The following DIP2B variants were observed in gnomAD, a reference collection of about 807,000 sequenced individuals.
The protein encoded by DIP2B is DIP2 acetate--CoA ligase B (putative).
In DIP2B, 76 loss-of-function variants were observed where a neutral mutation model predicts 198.0. That is an observed-to-expected ratio of 0.38 (90% CI 0.32 to 0.46). The LOEUF (loss-of-function observed/expected upper bound fraction) is 0.46. DIP2B is among the 20% of genes least tolerant of loss of function. The pLI is 0.99. For missense variants in DIP2B, 1,559 were observed against 1,978.4 expected, an observed-to-expected ratio of 0.79 and a Z score of 4.02; for synonymous variants, 701 against 739.1, an observed-to-expected ratio of 0.95 and a Z score of 0.84.
In DIP2B at chr12:50,577,947, A is replaced by G. The variant is rs146577937; in HGVS notation, c.101-48029A>G. On this transcript the variant is annotated intron_variant, in intron 1 of 37. Coordinates refer to ENST00000301180, the MANE Select transcript of DIP2B (RefSeq NM_173602.3). ...AATAACTTCTTAAAGGTTAGTTACA[A>G]TGTAGATTATGAAACTATATCAGTT... 1.8e-3 allele frequency among the ~76,000 whole-genome samples: 271 copies of G among 152,362 alleles called. 1 individual carries two copies. The highest frequency in any genetic ancestry group is 6.2e-3 in the African/African-American group (258 of 41,582).
intron 1 of DIP2B, among the ~76,000 whole-genome samples, chr12:50,582,396 C>T (rs1019507174): frequency 1.8e-4 from 27 of 152,112 alleles, no homozygotes; most frequent in East Asian, 7.7e-4. Flanking sequence ...GCGATTTGCC[C>T]GCCTTGGCCT....
At chr12:50,653,410 G>T in intron 3 of DIP2B, among the ~76,000 whole-genome samples, 1 of 133,884 alleles carries the variant, frequency 7.5e-6, no homozygotes, top group African/African-American at 2.8e-5. Flanking sequence ...GTGCAATTAT[G>T]GCTCACTACA....
At chr12:50,681,277 T>G (rs1024190023) in intron 9 of DIP2B, among the ~76,000 whole-genome samples, 3 of 151,688 alleles carry the variant, frequency 2.0e-5, no homozygotes, top group South Asian at 4.2e-4. Flanking sequence ...CAAACAATTT[T>G]TTTTTTTAAT....
chr12:50,602,269 C>T (rs1485184950), intron 1 of DIP2B, among the ~76,000 whole-genome samples: 2 of 152,070 alleles, frequency 1.3e-5, no homozygotes, highest in African/African-American at 2.4e-5. Context: ...TAATCAATAT[C>T]TAAATTAATT....
Position 50,711,655 on chromosome 12 carries a change from G to A in DIP2B, c.2650-2740G>A, listed in dbSNP as rs562322583. ...CGGCTCACTGCAACCTCCACCTCCC[G>A]GTTTCAAGCAATTCTCCTGCCTCAG... On this transcript the variant is annotated intron_variant, in intron 22 of 37. Coordinates refer to ENST00000301180, the MANE Select transcript of DIP2B (RefSeq NM_173602.3). Among the ~76,000 whole-genome samples, 6 of 152,256 alleles carry A rather than the reference G, an allele frequency of 3.9e-5. No individual in the cohort carries two copies. The South Asian group carries it at 1.0e-3, about 26-fold the overall frequency.
In DIP2B at chr12:50,604,978, C is replaced by T. The variant is rs570068253; in HGVS notation, c.101-20998C>T. 7.0e-4 allele frequency among the ~76,000 whole-genome samples: 107 copies of T among 152,216 alleles called. No individual in the cohort carries two copies. The South Asian group carries it at 7.3e-3, about 10-fold the overall frequency. ...TCAGATGCACAGGAGATAAGATACT[C>T]ATTTTATGTAATGAGTAAAAAGACA... is the stretch of plus-strand genomic sequence containing the variant. On this transcript the variant is annotated intron_variant, in intron 1 of 37. Transcript: ENST00000301180.
intron 22 of DIP2B, 32 bp from the exon 23 acceptor site, chr12:50,714,363 C>T: frequency 1.2e-6 from 2 of 1,611,908 alleles, no homozygotes; most frequent in Non-Finnish European, 8.5e-7. Flanking sequence ...TAGAAGTGAT[C>T]TCACTGAGTA....
chr12:50,718,673 C>T (rs1309854802), intron 23 of DIP2B, 36 bp from the exon 24 acceptor site: 2 of 1,573,758 alleles, frequency 1.3e-6, no homozygotes, highest in African/African-American at 2.7e-5. Context: ...TTGGAATCGC[C>T]ATCTCCAGTG....
At chr12:50,635,755 A>G (rs1411375853) in intron 2 of DIP2B, among the ~76,000 whole-genome samples, 1 of 152,222 alleles carries the variant, frequency 6.6e-6, no homozygotes, top group African/African-American at 2.4e-5. Context: ...TTGTGTAAGT[A>G]TATGAAGATA....
intron 1 of DIP2B, among the ~76,000 whole-genome samples, chr12:50,601,419 AC>A (rs920135217): frequency 1.3e-5 from 2 of 151,062 alleles, no homozygotes; most frequent in African/African-American, 4.9e-5. Flanking sequence ...ATCTCGACTC[AC>A]TGCAAGCTCC....
At chr12:50,552,572 G>A (rs535626025) in intron 1 of DIP2B, among the ~76,000 whole-genome samples, 2 of 152,106 alleles carry the variant, frequency 1.3e-5, no homozygotes, top group East Asian at 3.9e-4. Context: ...TATCAGATAC[G>A]TTATTTGGAA....
rs1021918467 is a variant in DIP2B at position 50,747,379 on chromosome 12, C to T, written c.*2540C>T. 1 of 152,152 alleles carries T rather than the reference C, an allele frequency of 6.6e-6. No individual in the cohort carries two copies. The highest frequency in any genetic ancestry group is 1.5e-5 in the Non-Finnish European group (1 of 68,032). 9.4% of individuals were successfully genotyped at this position (152,152 alleles called of 1,614,324 possible). A position where few individuals can be genotyped will look rare whatever the true frequency, so the allele number is the denominator to read the frequency against. ...ATTTTTTGCTTTCTGCTTTATTGAT[C>T]TTTTGCATGTCCCCCAAAGCCAGAA... is the stretch of plus-strand genomic sequence containing the variant. On this transcript the variant is annotated 3_prime_UTR_variant, in exon 38 of 38. Transcript: ENST00000301180.
intron 1 of DIP2B, among the ~76,000 whole-genome samples, chr12:50,589,733 A>G (rs939196312): frequency 2.0e-5 from 3 of 152,142 alleles, no homozygotes; most frequent in Admixed American, 6.5e-5. Flanking sequence ...AGGGCCAGAT[A>G]ATGATTGCTC....
At chr12:50,565,967 A>G (rs1281938698) in intron 1 of DIP2B, among the ~76,000 whole-genome samples, 2 of 152,020 alleles carry the variant, frequency 1.3e-5, no homozygotes, top group Non-Finnish European at 1.5e-5. Context: ...TTAAACAGTG[A>G]AATTTTTATT....
intron 21 of DIP2B, among the ~76,000 whole-genome samples, chr12:50,707,955 G>A (rs769873827): frequency 3.3e-5 from 5 of 151,788 alleles, no homozygotes; most frequent in Admixed American, 3.3e-4. Flanking sequence ...TGCCAAGCTC[G>A]TCCCTACCTC....
At position 50,708,434 on chromosome 12, in the gene DIP2B, T is replaced by G; in HGVS notation, c.2535-14T>G. The G allele has an allele frequency of 1.3e-6, 2 of 1,575,044 alleles. No individual in the cohort carries two copies. Among genetic ancestry groups the G allele is most frequent in the Non-Finnish European group, 1.7e-6 (2 of 1,157,832 alleles). The stretch of plus-strand genomic sequence containing the variant: ...GTGAAGGGAGTCCTGATGTGTTTGA[T>G]CTGTCTCTCTTAGAATTGCTGTGTT... On this transcript the variant is annotated splice_polypyrimidine_tract_variant and intron_variant, in intron 21 of 37. Transcript: ENST00000301180.
At chr12:50,602,028 A>G (rs1958941465) in intron 1 of DIP2B, among the ~76,000 whole-genome samples, 1 of 152,228 alleles carries the variant, frequency 6.6e-6, no homozygotes, top group Non-Finnish European at 1.5e-5. Flanking sequence ...TCAGGGTTGA[A>G]TTACAAAGGA....
chr12:50,516,772 C>G (rs1057212631), intron 1 of DIP2B, among the ~76,000 whole-genome samples: 1 of 151,938 alleles, frequency 6.6e-6, no homozygotes, highest in Admixed American at 6.6e-5. Flanking sequence ...GTCAGGAGTT[C>G]GAGACCAGCC....
intron 22 of DIP2B, among the ~76,000 whole-genome samples, chr12:50,710,267 T>G (rs1939591864): frequency 6.6e-6 from 1 of 152,152 alleles, no homozygotes; most frequent in Admixed American, 6.6e-5. Flanking sequence ...CCAAAGAAAG[T>G]GTGGCCTGTC....
Sources: allele counts gnomAD v4.1 joint callset (sites outside exome capture counted in the v4.1 genomes callset), GRCh38; gene constraint gnomAD v4.1.1; transcripts MANE v1.5; gene names NCBI Gene and HGNC (gene_info 2026-07-23, HGNC 2026-07-21).